Variants in ZCCHC7 observed in about 807,000 individuals in gnomAD.
The protein encoded by ZCCHC7 is zinc finger CCHC-type containing 7.
In ZCCHC7, 35 loss-of-function variants were observed where a neutral mutation model predicts 52.0. The observed-to-expected ratio is 0.67, with a 90% CI of 0.51 to 0.89. ZCCHC7 has a LOEUF of 0.89. Among genes scored for constraint, ZCCHC7 ranks in the 40% least tolerant of loss-of-function variants. The probability of loss-of-function intolerance (pLI) is 0.00; values close to 1 mark genes in which losing one functional copy is unlikely to be tolerated. For missense variants in ZCCHC7, 574 were observed against 649.1 expected (o/e 0.88, Z 1.26); for synonymous variants, 217 against 221.5 (o/e 0.98, Z 0.18).
chr9:37,354,931 T>A lies in ZCCHC7; in HGVS notation c.1198+107T>A. The A allele has an allele frequency of 1.6e-6, 1 of 643,990 alleles. No homozygotes were observed. Among genetic ancestry groups the A allele is most frequent in the East Asian group, 2.8e-5 (1 of 35,370 alleles). 39.9% of individuals were successfully genotyped at this position (643,990 alleles called of 1,614,324 possible). On this transcript the variant is annotated intron_variant, in intron 8 of 8. Transcript: ENST00000336755. The surrounding 1 kb of genome is among the most constrained non-coding windows in gnomAD (Gnocchi z 4.0). Reference sequence around the variant, plus strand: ...GGGTCATTGGTTAGCATAGAAAGTATTTTTAGTAATTACCAAAGAGACTGG... The same window carrying A: ...GGGTCATTGGTTAGCATAGAAAGTAATTTTAGTAATTACCAAAGAGACTGG...
At position 37,349,453 on chromosome 9, in the gene ZCCHC7, G is replaced by T; in HGVS notation, c.1083+1G>T. On this transcript the variant is annotated splice_donor_variant, in intron 7 of 8. Coordinates refer to ENST00000336755, the MANE Select transcript of ZCCHC7 (RefSeq NM_032226.3). LOFTEE classifies it high-confidence loss of function. ...CGCGCAAAAAGGCCATTATGGACAC[G>T]TAAGTTTGAGTGACATTTGGGCATG... 2 of 1,613,520 alleles carry T rather than the reference G, an allele frequency of 1.2e-6. No homozygotes were observed. Among genetic ancestry groups the T allele is most frequent in the Non-Finnish European group, 1.7e-6 (2 of 1,179,642 alleles).
At chr9:37,258,106 A>T (rs1826675292) in intron 2 of ZCCHC7, among the ~76,000 whole-genome samples, 1 of 152,220 alleles carries the variant, frequency 6.6e-6, no homozygotes, top group South Asian at 2.1e-4. Context: ...GAGAATAGAT[A>T]TCGCTGGGCA....
chr9:37,223,507 G>GA (rs1452157057), intron 2 of ZCCHC7, among the ~76,000 whole-genome samples: 8 of 152,078 alleles, frequency 5.3e-5, no homozygotes, highest in African/African-American at 1.9e-4. Context: ...GAAGTTGGGG[G>GA]AGGTTACTTA....
Position 37,176,048 on chromosome 9 carries a change from A to G in ZCCHC7, c.610+49106A>G, listed in dbSNP as rs1043373634. ...TTCTGACAAATATTTCTTAAGCCTCATTTGTTTTTGTTTGTTTGTTTGTTT... is the reference window on the plus strand; with the variant it reads ...TTCTGACAAATATTTCTTAAGCCTCGTTTGTTTTTGTTTGTTTGTTTGTTT... On this transcript the variant is annotated intron_variant, in intron 2 of 8. Transcript: ENST00000336755. Among the ~76,000 whole-genome samples, 5 of 149,504 alleles carry G rather than the reference A, an allele frequency of 3.3e-5. 1 individual carries two copies. In the South Asian group the frequency reaches 8.5e-4, roughly 25 times the overall value.
chr9:37,345,959 T>TG (rs1820938464), intron 6 of ZCCHC7, among the ~76,000 whole-genome samples: 1 of 151,990 alleles, frequency 6.6e-6, no homozygotes, highest in Admixed American at 6.6e-5. Context: ...GAAGTAGTTT[T>TG]TTTTGTTTTG....
rs74182940 is a variant in ZCCHC7, at chr9:37,303,655, CTTTTTTTTTTT to C, written c.655-518_655-508del. Among the ~76,000 whole-genome samples, 6 of 56,774 alleles carry C rather than the reference CTTTTTTTTTTT, an allele frequency of 1.1e-4. No individual in the cohort carries two copies. The South Asian group carries it at 2.4e-3, about 23-fold the overall frequency. 37.2% of individuals were successfully genotyped at this position (56,774 alleles called of 152,430 possible). On this transcript the variant is annotated intron_variant, in intron 3 of 8. Transcript: ENST00000336755. ...CACCTCCTTTTATGTTTTTCTACCT[CTTTTTTTTTTT>C]TTTTTTTTTTTTTTGAGATGAAGTT...
intron 2 of ZCCHC7, among the ~76,000 whole-genome samples, chr9:37,209,852 T>C (rs1824119494): frequency 6.6e-6 from 1 of 152,168 alleles, no homozygotes; most frequent in Non-Finnish European, 1.5e-5. Context: ...AGATTATTTG[T>C]GGGCAGATTA....
intron 2 of ZCCHC7, among the ~76,000 whole-genome samples, chr9:37,151,167 C>T (rs1423953605): frequency 2.0e-5 from 3 of 152,044 alleles, no homozygotes; most frequent in Admixed American, 1.3e-4. Context: ...GGGGTTTCAC[C>T]GTGTTAGCCA....
intron 1 of ZCCHC7, among the ~76,000 whole-genome samples, chr9:37,121,993 A>G (rs1842335938): frequency 6.6e-6 from 1 of 152,246 alleles, no homozygotes; most frequent in African/African-American, 2.4e-5. Flanking sequence ...ACTAAGAGTA[A>G]GAAAAATTTT....
chr9:37,313,150 G>A (rs186071111), intron 5 of ZCCHC7, among the ~76,000 whole-genome samples: 2 of 152,142 alleles, frequency 1.3e-5, no homozygotes, highest in African/African-American at 2.4e-5. Context: ...TATGTACTTT[G>A]TTCCACCCAC....
intron 2 of ZCCHC7, among the ~76,000 whole-genome samples, chr9:37,185,991 G>GT (rs1277399310): frequency 4.6e-5 from 7 of 151,736 alleles, no homozygotes; most frequent in South Asian, 2.1e-4. Context: ...ACATTATACA[G>GT]TACATATGTT....
intron 2 of ZCCHC7, among the ~76,000 whole-genome samples, chr9:37,239,138 A>G (rs920403985): frequency 3.9e-5 from 6 of 152,216 alleles, no homozygotes; most frequent in African/African-American, 1.2e-4. Flanking sequence ...ATTTAAGTAT[A>G]TTTTTTCCTA....
Position 37,211,341 on chromosome 9 carries a change from T to C in ZCCHC7, c.610+84399T>C, listed in dbSNP as rs1319600841. Among the ~76,000 whole-genome samples, 3 of 152,134 alleles carry C rather than the reference T, an allele frequency of 2.0e-5. No homozygotes were observed. In the East Asian group the frequency reaches 5.8e-4, roughly 29 times the overall value. On this transcript the variant is annotated intron_variant, in intron 2 of 8. Transcript: ENST00000336755. ...TTCAGCATACATATGGTTTTACTTG[T>C]AGGGTTTTTTGGTTTGTTTGTTTTG...
intron 2 of ZCCHC7, among the ~76,000 whole-genome samples, chr9:37,185,335 A>G (rs1402575340): frequency 6.6e-6 from 1 of 152,150 alleles, no homozygotes; most frequent in African/African-American, 2.4e-5. Context: ...GTTCCATTTG[A>G]TCTGGTGTTA....
At chr9:37,233,470 C>G (rs767767968) in intron 2 of ZCCHC7, among the ~76,000 whole-genome samples, 2 of 152,146 alleles carry the variant, frequency 1.3e-5, no homozygotes, top group African/African-American at 2.4e-5. Context: ...AGAGCACTTT[C>G]TGAAAATGTT....
chr9:37,286,378 C>T (rs937886653), intron 2 of ZCCHC7, among the ~76,000 whole-genome samples: 1 of 152,098 alleles, frequency 6.6e-6, no homozygotes, highest in Non-Finnish European at 1.5e-5. Context: ...ATTAGAAATA[C>T]AGGCTGGGCA....
chr9:37,295,486 G>A (rs1828744069), intron 2 of ZCCHC7, among the ~76,000 whole-genome samples: 1 of 152,174 alleles, frequency 6.6e-6, no homozygotes, highest in African/African-American at 2.4e-5. Context: ...ATGAAAAGCA[G>A]TGTGTGATAA....
At chr9:37,281,778 C>A (rs1182392834) in intron 2 of ZCCHC7, among the ~76,000 whole-genome samples, 1 of 152,184 alleles carries the variant, frequency 6.6e-6, no homozygotes, top group Non-Finnish European at 1.5e-5. Context: ...GGCTTCCCCA[C>A]CTGTAACCAA....
intron 6 of ZCCHC7, among the ~76,000 whole-genome samples, chr9:37,334,161 C>T (rs993043201): frequency 6.6e-6 from 1 of 151,878 alleles, no homozygotes; most frequent in South Asian, 2.1e-4. Context: ...GTGATTATTT[C>T]GCATATGTGC....
Sources: gnomAD v4.1 joint callset for allele counts (sites outside exome capture counted in the v4.1 genomes callset) on GRCh38, gnomAD v4.1.1 for gene constraint, Gnocchi (gnomAD v3.1) non-coding constraint, MANE v1.5 for transcripts, NCBI Gene and HGNC (gene_info 2026-07-23, HGNC 2026-07-21) for gene names.